The following HSH2D variants were observed in gnomAD, a reference collection of about 807,000 sequenced individuals.
The protein encoded by HSH2D is hematopoietic SH2 domain containing.
HSH2D carries 16 observed loss-of-function variants against 21.5 expected under a neutral mutation model. That is an observed-to-expected ratio of 0.74 (90% CI 0.50 to 1.13). HSH2D has a LOEUF of 1.13. Ranked by LOEUF, HSH2D falls within the 50% of genes most tolerant of loss-of-function variation. HSH2D has a pLI of 0.00. For missense variants in HSH2D, 418 were observed against 441.4 expected, an observed-to-expected ratio of 0.95 and a Z score of 0.47; for synonymous variants, 172 against 184.7, an observed-to-expected ratio of 0.93 and a Z score of 0.56.
intron 5 of HSH2D, among the ~76,000 whole-genome samples, chr19:16,156,039 G>A (rs1191735002): frequency 6.6e-6 from 1 of 152,030 alleles, no homozygotes; most frequent in African/African-American, 2.4e-5. Context: ...GGACAAAAAT[G>A]AGAGCCCAGG....
At chr19:16,134,755 C>T (rs1407989999) in intron 1 of HSH2D, among the ~76,000 whole-genome samples, 1 of 152,090 alleles carries the variant, frequency 6.6e-6, no homozygotes, top group Non-Finnish European at 1.5e-5. Context: ...GTTTCAGGTC[C>T]TCACCTCTGT....
At chr19:16,152,817 G>A (rs2091177333) in intron 3 of HSH2D, 176 bp downstream of exon 3, 3 of 767,056 alleles carry the variant, frequency 3.9e-6, no homozygotes, top group Middle Eastern at 2.2e-4. Context: ...GTAGTGGCAT[G>A]TTTTATCTGA....
chr19:16,135,250 T>A (rs1599403232), intron 1 of HSH2D, among the ~76,000 whole-genome samples: 1 of 152,072 alleles, frequency 6.6e-6, no homozygotes, highest in East Asian at 1.9e-4. Context: ...CTAGCCTGGG[T>A]GACAGAGCAA....
rs2091043094 is a variant in HSH2D, at chr19:16,144,780, C to A, written c.-28+1006C>A. ...CGATCTCAGCTCACTGCAAGCTCTG[C>A]CTCCCGAGTTCACGCCATTCTCCTG... On this transcript the variant is annotated intron_variant, in intron 1 of 5. Coordinates refer to ENST00000613986, the MANE Select transcript of HSH2D (RefSeq NM_001382417.1). Among the ~76,000 whole-genome samples the A allele has an allele frequency of 6.9e-5, 10 of 145,890 alleles. No individual in the cohort carries two copies. In the South Asian group the frequency reaches 2.2e-3, roughly 32 times the overall value.
At chr19:16,148,415 C>T (rs1026534112) in intron 1 of HSH2D, among the ~76,000 whole-genome samples, 12 of 152,102 alleles carry the variant, frequency 7.9e-5, no homozygotes, top group Non-Finnish European at 8.8e-5. Context: ...TCCCAAAGTG[C>T]TGAGATTACA....
exon 1 of HSH2D, chr19:16,134,167 C>G (rs912106353): frequency 6.6e-6 from 1 of 152,306 alleles, no homozygotes; most frequent in Non-Finnish European, 1.5e-5. Context: ...ACAGAAGCAT[C>G]CAGAATCCTC....
chr19:16,149,454 C>T (rs1030634492), intron 2 of HSH2D, among the ~76,000 whole-genome samples: 13 of 152,170 alleles, frequency 8.5e-5, no homozygotes, highest in Non-Finnish European at 1.3e-4. Context: ...TCACCCGCCT[C>T]GGCCTCCCGA....
At chr19:16,135,154 C>T (rs1278006750) in intron 1 of HSH2D, among the ~76,000 whole-genome samples, 5 of 152,070 alleles carry the variant, frequency 3.3e-5, no homozygotes, top group African/African-American at 9.7e-5. Context: ...CGCCTGTAGT[C>T]CCAACTACTC....
At position 16,153,134 on chromosome 19, in the gene HSH2D, G is replaced by A. The variant is rs779518397; in HGVS notation, c.307G>A (p.Asp103Asn). The A allele has an allele frequency of 1.3e-6, 2 of 1,593,614 alleles. No individual in the cohort carries two copies. The highest frequency in any genetic ancestry group is 2.3e-5 in the South Asian group (2 of 88,084). ...GGAGAAGGTGGCCCACACCTCGCTGGACGCCCTGGTCACCTTCCACCAGCA... is the reference window on the plus strand; with the variant it reads ...GGAGAAGGTGGCCCACACCTCGCTGAACGCCCTGGTCACCTTCCACCAGCA... ...PGEKVAHTSL[D>N]ALVTFHQQKP... The change falls in exon 4 of 6, where the codon GAC becomes AAC. Residue 103 changes from aspartate (D) to asparagine (N), a missense_variant. Asp to Asn is a conservative substitution (Grantham distance 23, BLOSUM62 1). Transcript: ENST00000613986.
chr19:16,153,003 G>A (rs748613427), intron 3 of HSH2D, 40 bp from the exon 4 acceptor site: 5 of 1,591,118 alleles, frequency 3.1e-6, no homozygotes, highest in Non-Finnish European at 4.3e-6. Flanking sequence ...GCAGGGATGA[G>A]GGGGAGTAGG....
intron 1 of HSH2D, among the ~76,000 whole-genome samples, chr19:16,135,915 G>A (rs1276314346): frequency 1.3e-5 from 2 of 152,164 alleles, no homozygotes; most frequent in East Asian, 3.9e-4. Context: ...CACGCAAATG[G>A]CCTCTAGGGT....
chr19:16,149,699 G>C (rs948137205), intron 2 of HSH2D, among the ~76,000 whole-genome samples: 21 of 150,770 alleles, frequency 1.4e-4, no homozygotes, highest in African/African-American at 5.1e-4. Flanking sequence ...CAATCCTCCT[G>C]CCTCATGAGT....
intron 1 of HSH2D, among the ~76,000 whole-genome samples, chr19:16,135,617 C>G (rs1308658341): frequency 6.6e-6 from 1 of 152,150 alleles, no homozygotes; most frequent in African/African-American, 2.4e-5. Context: ...ACTCCACACT[C>G]ATCACTGAGA....
chr19:16,148,829 G>A lies in HSH2D; in HGVS notation c.79G>A (p.Ala27Thr). ...WFVHTQMGQL[A>T]QDGVPEWFHG... ...TGTGCACACCCAGATGGGCCAGCTG[G>A]CCCAAGACGGGGTCCCCGAGTGGTT... is the stretch of plus-strand genomic sequence containing the variant. Residue 27 changes from alanine to threonine, a missense_variant, in exon 2 of 6, where the codon GCC (alanine) becomes ACC (threonine). By Grantham distance (58) the Ala-to-Thr change is moderately conservative (BLOSUM62 0). Coordinates refer to ENST00000613986, the MANE Select transcript of HSH2D (RefSeq NM_001382417.1). 6.2e-7 allele frequency: 1 copy of A among 1,611,570 alleles called. No homozygotes were observed. Among genetic ancestry groups the A allele is most frequent in the East Asian group, 2.2e-5 (1 of 44,742 alleles).
chr19:16,148,578 A>G, intron 1 of HSH2D, 146 bp from the exon 2 acceptor site: 1 of 724,744 alleles, frequency 1.4e-6, no homozygotes, highest in Non-Finnish European at 2.2e-6. Flanking sequence ...GAGCCGTCAC[A>G]CCCAGCCACA....
intron 1 of HSH2D, among the ~76,000 whole-genome samples, chr19:16,134,796 A>C (rs1210524894): frequency 6.6e-6 from 1 of 151,990 alleles, no homozygotes; most frequent in African/African-American, 2.4e-5. Flanking sequence ...TGTCCTTACG[A>C]AACTGAAATC....
intron 2 of HSH2D, 115 bp from the exon 3 acceptor site, chr19:16,152,437 A>G: frequency 1.7e-6 from 1 of 586,974 alleles, no homozygotes; most frequent in Non-Finnish European, 2.7e-6. Flanking sequence ...AAAAAGGAAA[A>G]AAGAAAAATG....
upstream of HSH2D, among the ~76,000 whole-genome samples, chr19:16,142,407 G>A (rs952743362): frequency 3.3e-5 from 5 of 152,098 alleles, no homozygotes; most frequent in African/African-American, 1.2e-4. Flanking sequence ...TTCCCCTTTG[G>A]ATTTTTTTGT....
rs2091214842 is a variant in HSH2D, at chr19:16,154,621, T to C, written c.474+130T>C. 5.3e-6 allele frequency: 3 copies of C among 565,876 alleles called. No individual in the cohort carries two copies. The African/African-American group carries it at 5.7e-5, about 11-fold the overall frequency. 35.1% of individuals were successfully genotyped at this position (565,876 alleles called of 1,614,324 possible). A position where few individuals can be genotyped will look rare whatever the true frequency, so the allele number is the denominator to read the frequency against. ...CCTACAGCTTGGTGCTTTAAACCTT[T>C]CCAGTGCTTTTGCAACACCGAGATT... On this transcript the variant is annotated intron_variant, in intron 5 of 5. Coordinates refer to ENST00000613986, the MANE Select transcript of HSH2D (RefSeq NM_001382417.1).
Sources: allele counts gnomAD v4.1 joint callset (sites outside exome capture counted in the v4.1 genomes callset), GRCh38; gene constraint gnomAD v4.1.1; transcripts MANE v1.5; gene names NCBI Gene and HGNC (gene_info 2026-07-23, HGNC 2026-07-21).